The following TMTC1 variants were observed in gnomAD, a reference collection of about 807,000 sequenced individuals.
TMTC1 encodes protein O-mannosyl-transferase TMTC1.
Under a neutral mutation model 104.8 loss-of-function variants are expected in TMTC1, and 73 were observed. The observed-to-expected ratio is 0.70, with a 90% CI of 0.58 to 0.85. TMTC1 has a LOEUF of 0.85. Among genes scored for constraint, TMTC1 ranks in the 40% least tolerant of loss-of-function variants. The probability of loss-of-function intolerance (pLI) is 0.00; values close to 1 mark genes in which losing one functional copy is unlikely to be tolerated. For missense variants in TMTC1, 1,035 were observed against 1,096.1 expected, an observed-to-expected ratio of 0.94 and a Z score of 0.79; for synonymous variants, 434 against 428.7, an observed-to-expected ratio of 1.01 and a Z score of -0.15.
At chr12:29,571,976 C>T (rs1019768802) in intron 9 of TMTC1, 129 bp downstream of exon 9, 1 of 670,530 alleles carries the variant, frequency 1.5e-6, no homozygotes, top group Non-Finnish European at 2.6e-6. Flanking sequence ...AGAGCTACCC[C>T]ACCTCCAAGG....
intron 5 of TMTC1, among the ~76,000 whole-genome samples, chr12:29,644,634 G>C (rs1298010921): frequency 2.0e-5 from 3 of 152,102 alleles, no homozygotes; most frequent in Non-Finnish European, 1.5e-5. Flanking sequence ...TTCCATGAAG[G>C]CTACATGCCT....
Position 29,604,062 on chromosome 12 carries a change from T to C in TMTC1, c.1250+116A>G, listed in dbSNP as rs77188229. The C allele has an allele frequency of 9.9e-3, 13,340 of 1,352,812 alleles. 1,012 individuals carry two copies. In the African/African-American group the frequency reaches 0.17, roughly 17 times the overall value. The allele number at this position is 1,352,812 out of a possible 1,614,324, so 83.8% of individuals were successfully genotyped here. On this transcript the variant is annotated intron_variant, in intron 7 of 17. Transcript: ENST00000539277. ...GCTGTTTTTAAAGCTGAAATAATAA[T>C]ATCCCTTGTCCCATGAGGATCTAAT...
intron 5 of TMTC1, among the ~76,000 whole-genome samples, chr12:29,693,961 T>G (rs1439708376): frequency 1.3e-5 from 2 of 152,182 alleles, no homozygotes; most frequent in African/African-American, 4.8e-5. Context: ...TTCAAGGCTT[T>G]AGGTTATTAA....
intron 17 of TMTC1, among the ~76,000 whole-genome samples, chr12:29,511,582 T>G (rs1943838153): frequency 6.6e-6 from 1 of 152,036 alleles, no homozygotes; most frequent in Non-Finnish European, 1.5e-5. Flanking sequence ...AACAAACAAG[T>G]TTGCTTTCCA....
At chr12:29,507,990 C>A (rs1943737724) in intron 17 of TMTC1, among the ~76,000 whole-genome samples, 1 of 152,172 alleles carries the variant, frequency 6.6e-6, no homozygotes, top group African/African-American at 2.4e-5. Context: ...TAGCAACAAA[C>A]AACTAATACT....
intron 5 of TMTC1, among the ~76,000 whole-genome samples, chr12:29,721,770 A>G (rs2136883016): frequency 6.6e-6 from 1 of 152,202 alleles, no homozygotes; most frequent in East Asian, 1.9e-4. Flanking sequence ...AACCCTAAAA[A>G]GCTTTTATGT....
chr12:29,641,736 C>G (rs1035000787), intron 5 of TMTC1, among the ~76,000 whole-genome samples: 1 of 152,006 alleles, frequency 6.6e-6, no homozygotes, highest in Non-Finnish European at 1.5e-5. Context: ...GGATCCAAAC[C>G]AAGAAGAAAT....
At chr12:29,626,209 T>C (rs552610741) in intron 6 of TMTC1, among the ~76,000 whole-genome samples, 45 of 152,236 alleles carry the variant, frequency 3.0e-4, no homozygotes, top group Non-Finnish European at 4.6e-4. Context: ...CAGCAAAAAA[T>C]ATTTGTCCCC....
At chr12:29,507,014 C>T in intron 17 of TMTC1, 28 bp from the exon 18 acceptor site, 6 of 1,599,068 alleles carry the variant, frequency 3.8e-6, no homozygotes, top group South Asian at 1.1e-5. Flanking sequence ...GGAGCAATTA[C>T]ATTCTGATCC....
chr12:29,661,196 G>T, intron 5 of TMTC1: 1 of 221,816 alleles, frequency 4.5e-6, no homozygotes, highest in Non-Finnish European at 7.6e-6. Context: ...ACAGGACTCA[G>T]CTCTGTTAGC....
At position 29,754,651 on chromosome 12, in the gene TMTC1, G is replaced by A. The variant is rs1403186352; in HGVS notation, c.731+1058C>T. Among the ~76,000 whole-genome samples, 7 of 152,132 alleles carry A rather than the reference G, an allele frequency of 4.6e-5. No individual in the cohort carries two copies. The East Asian group carries it at 1.4e-3, about 29-fold the overall frequency. ...GCAACCTCACATAGGCCAAAGGGAGGGCCTCTGGCTCACGGTTTTCTTGGC... is the reference window on the plus strand; with the variant it reads ...GCAACCTCACATAGGCCAAAGGGAGAGCCTCTGGCTCACGGTTTTCTTGGC... On this transcript the variant is annotated intron_variant, in intron 4 of 17. Transcript: ENST00000539277.
At chr12:29,749,248 G>A (rs181728800) in intron 5 of TMTC1, among the ~76,000 whole-genome samples, 82 of 143,174 alleles carry the variant, frequency 5.7e-4, no homozygotes, top group Non-Finnish European at 1.1e-3. Flanking sequence ...ACACACACAC[G>A]TCTGAAAAGA....
At chr12:29,558,889 G>A (rs1194525378) in intron 9 of TMTC1, among the ~76,000 whole-genome samples, 1 of 152,134 alleles carries the variant, frequency 6.6e-6, no homozygotes, top group African/African-American at 2.4e-5. Flanking sequence ...TTCACTCCAT[G>A]CCCAGGAAAG....
intron 8 of TMTC1, among the ~76,000 whole-genome samples, chr12:29,580,015 T>C (rs566443559): frequency 6.6e-6 from 1 of 152,322 alleles, no homozygotes; most frequent in Non-Finnish European, 1.5e-5. Flanking sequence ...TGCTGGGTTC[T>C]TGTGCTTTTT....
intron 5 of TMTC1, among the ~76,000 whole-genome samples, chr12:29,713,984 T>G (rs1178081743): frequency 1.3e-5 from 2 of 152,122 alleles, no homozygotes; most frequent in Admixed American, 6.6e-5. Context: ...CTCTTCCTCA[T>G]GTAAGGACAC....
At position 29,710,601 on chromosome 12, in the gene TMTC1, TATA is replaced by T. The variant is rs1386980165; in HGVS notation, c.938+41062_938+41064del. Among the ~76,000 whole-genome samples, 7 of 144,060 alleles carry T rather than the reference TATA, an allele frequency of 4.9e-5. No homozygotes were observed. The South Asian group carries it at 1.1e-3, about 22-fold the overall frequency. 94.5% of individuals were successfully genotyped at this position (144,060 alleles called of 152,430 possible). On this transcript the variant is annotated intron_variant, in intron 5 of 17. Transcript: ENST00000539277. ...TATATATATTTATATTTATTATACT[TATA>T]ATTTTTTATATTTATATTTATATTT...
intron 5 of TMTC1, among the ~76,000 whole-genome samples, chr12:29,717,499 T>C (rs1942117354): frequency 2.0e-5 from 3 of 152,188 alleles, no homozygotes. Context: ...CCACTGAAAA[T>C]GTAGCTTTCC....
chr12:29,714,542 C>T (rs1421432081), intron 5 of TMTC1, among the ~76,000 whole-genome samples: 1 of 152,180 alleles, frequency 6.6e-6, no homozygotes, highest in Non-Finnish European at 1.5e-5. Flanking sequence ...TTTTACCTAC[C>T]ATTGCTTGTG....
chr12:29,739,285 G>A (rs948627905), intron 5 of TMTC1, among the ~76,000 whole-genome samples: 18 of 151,460 alleles, frequency 1.2e-4, no homozygotes, highest in Admixed American at 7.9e-4. Context: ...ATAGTTGCAC[G>A]CATTCATGTA....
Sources: gnomAD v4.1 joint callset for allele counts (sites outside exome capture counted in the v4.1 genomes callset) on GRCh38, gnomAD v4.1.1 for gene constraint, MANE v1.5 for transcripts, NCBI Gene and HGNC (gene_info 2026-07-23, HGNC 2026-07-21) for gene names.